Variants in PPP1CB observed in about 807,000 individuals in gnomAD.
PPP1CB encodes the protein serine/threonine-protein phosphatase PP1-beta catalytic subunit.
In PPP1CB, 2 loss-of-function variants were observed where a neutral mutation model predicts 43.7. The ratio of observed to expected loss-of-function variants is 0.05; its 90% CI spans 0.02 to 0.14. The LOEUF is 0.14. PPP1CB is among the 10% of genes least tolerant of loss of function. The probability of loss-of-function intolerance (pLI) is 1.00; values close to 1 mark genes in which losing one functional copy is unlikely to be tolerated. For synonymous variants in PPP1CB, 136 were observed against 135.6 expected (o/e 1.00, Z -0.02); for missense variants, 84 against 398.0 (o/e 0.21, Z 6.71).
chr2:28,777,524 T>G (rs1301889548), intron 2 of PPP1CB, among the ~76,000 whole-genome samples: 1 of 152,218 alleles, frequency 6.6e-6, no homozygotes, highest in African/African-American at 2.4e-5. Context: ...TTATTTAAAT[T>G]TGTTTTGAAG....
intron 1 of PPP1CB, among the ~76,000 whole-genome samples, chr2:28,769,323 G>A (rs1666850407): frequency 6.6e-6 from 1 of 152,186 alleles, no homozygotes; most frequent in African/African-American, 2.4e-5. Context: ...TGCAACCTCT[G>A]CCTCCCGGGT....
At chr2:28,792,762 A>G (rs1366140472) in intron 6 of PPP1CB, among the ~76,000 whole-genome samples, 1 of 152,220 alleles carries the variant, frequency 6.6e-6, no homozygotes, top group Non-Finnish European at 1.5e-5. Context: ...TAATTTTGCT[A>G]ATTAAAAGAT....
At chr2:28,777,786 G>C (rs1667072826) in intron 2 of PPP1CB, among the ~76,000 whole-genome samples, 1 of 152,176 alleles carries the variant, frequency 6.6e-6, no homozygotes, top group African/African-American at 2.4e-5. Flanking sequence ...CTGAGTAGCT[G>C]GGATTACAGG....
chr2:28,772,525 A>T (rs751113733), intron 1 of PPP1CB, among the ~76,000 whole-genome samples: 1 of 152,208 alleles, frequency 6.6e-6, no homozygotes, highest in Non-Finnish European at 1.5e-5. Context: ...TGACCCGAGC[A>T]GTTCTACTGC....
intron 1 of PPP1CB, among the ~76,000 whole-genome samples, chr2:28,776,270 T>C (rs1667040499): frequency 6.6e-6 from 1 of 152,006 alleles, no homozygotes; most frequent in Admixed American, 6.6e-5. Context: ...TGTTTGTTTT[T>C]TTTTTATTTG....
chr2:28,774,131 A>G (rs1666977464), intron 1 of PPP1CB, among the ~76,000 whole-genome samples: 2 of 152,218 alleles, frequency 1.3e-5, no homozygotes, highest in Middle Eastern at 3.2e-3. Flanking sequence ...ATTACTTGAG[A>G]AGTGAAAATT....
chr2:28,794,010 CAT>C lies in PPP1CB; in HGVS notation c.879+15_879+16del, dbSNP rs1558311439. ...GTGTTCATTTCAGGTATGATGTAAA[CAT>C]AAATATATAAGAACTAGAAATCTAA... is the stretch of plus-strand genomic sequence containing the variant. On this transcript the variant is annotated intron_variant, in intron 7 of 7. Transcript: ENST00000395366. 4 of 1,586,374 alleles carry C rather than the reference CAT, an allele frequency of 2.5e-6. No homozygotes were observed. The South Asian group carries it at 3.4e-5, about 14-fold the overall frequency.
chr2:28,757,666 C>T (rs577513718), intron 1 of PPP1CB, among the ~76,000 whole-genome samples: 1 of 152,108 alleles, frequency 6.6e-6, no homozygotes, highest in African/African-American at 2.4e-5. Flanking sequence ...CTCCTTGATT[C>T]TTCTGGATGA....
chr2:28,786,716 A>G lies in PPP1CB; in HGVS notation c.593-1942A>G, dbSNP rs186792804. ...CATGAACCCGGGAGGTGGAGCTTGC[A>G]GTGAGCCGAGATCGTGCCACTGCAC... On this transcript the variant is annotated intron_variant, in intron 5 of 7. Coordinates refer to ENST00000395366, the MANE Select transcript of PPP1CB (RefSeq NM_002709.3). Among the ~76,000 whole-genome samples, 22 of 138,074 alleles carry G rather than the reference A, an allele frequency of 1.6e-4. 1 individual carries two copies. In the East Asian group the frequency reaches 4.5e-3, roughly 28 times the overall value. The allele number at this position is 138,074 out of a possible 152,430, so 90.6% of individuals were successfully genotyped here. A position where few individuals can be genotyped will look rare whatever the true frequency, so the allele number is the denominator to read the frequency against.
intron 1 of PPP1CB, among the ~76,000 whole-genome samples, chr2:28,772,291 ACT>A (rs1666931322): frequency 6.6e-6 from 1 of 151,882 alleles, no homozygotes; most frequent in African/African-American, 2.4e-5. Flanking sequence ...ACGGAGCGAG[ACT>A]CCATCTCAAA....
chr2:28,752,275 G>A (rs1666321021), intron 1 of PPP1CB, 99 bp downstream of exon 1: 3 of 1,129,640 alleles, frequency 2.7e-6, no homozygotes, highest in African/African-American at 1.6e-5. Flanking sequence ...CCCCTTTCCC[G>A]CCCCGAGACG....
intron 2 of PPP1CB, chr2:28,778,493 A>G (rs1667085476): frequency 2.0e-6 from 1 of 490,356 alleles, no homozygotes; most frequent in Non-Finnish European, 4.1e-6. Context: ...TAAGAGCCTC[A>G]GTTCCAAATG....
rs1667631930 is a variant in PPP1CB at position 28,802,137 on chromosome 2, CATA to C, written c.*2835_*2837del. On this transcript the variant is annotated 3_prime_UTR_variant, in exon 8 of 8. Coordinates refer to ENST00000395366, the MANE Select transcript of PPP1CB (RefSeq NM_002709.3). ...GAAGTATGAGTGTGTTCACGAGAAA[CATA>C]GGCTTTTCAAAAAAATTTTTATTCA... 6.6e-6 allele frequency: 1 copy of C among 152,004 alleles called. No individual in the cohort carries two copies. The highest frequency in any genetic ancestry group is 6.6e-5 in the Admixed American group (1 of 15,252). The allele number at this position is 152,004 out of a possible 1,614,324, so 9.4% of individuals were successfully genotyped here. A position where few individuals can be genotyped will look rare whatever the true frequency, so the allele number is the denominator to read the frequency against.
chr2:28,777,526 G>T (rs1365434747), intron 2 of PPP1CB, among the ~76,000 whole-genome samples: 1 of 152,186 alleles, frequency 6.6e-6, no homozygotes, highest in Non-Finnish European at 1.5e-5. Context: ...ATTTAAATTT[G>T]TTTTGAAGAT....
At chr2:28,783,853 TA>T in intron 4 of PPP1CB, 53 bp from the exon 5 acceptor site, 1 of 1,239,662 alleles carries the variant, frequency 8.1e-7, no homozygotes. Context: ...CGGTGACTGT[TA>T]AAATATTAAA....
At chr2:28,783,774 T>G in intron 4 of PPP1CB, 133 bp from the exon 5 acceptor site, 1 of 636,736 alleles carries the variant, frequency 1.6e-6, no homozygotes, top group Non-Finnish European at 2.7e-6. Flanking sequence ...AAAAAAGACG[T>G]TAAAAGGAAC....
intron 1 of PPP1CB, among the ~76,000 whole-genome samples, chr2:28,768,490 C>T (rs192482889): frequency 6.3e-4 from 96 of 152,260 alleles, no homozygotes; most frequent in Admixed American, 5.8e-3. Flanking sequence ...AAGATCTGAG[C>T]AGACATTTCA....
At chr2:28,755,748 A>G (rs1666475419) in intron 1 of PPP1CB, among the ~76,000 whole-genome samples, 1 of 152,200 alleles carries the variant, frequency 6.6e-6, no homozygotes, top group African/African-American at 2.4e-5. Context: ...AATCTAATGC[A>G]TTTGGGAGGA....
chr2:28,792,258 TG>T (rs1667404114), intron 6 of PPP1CB, among the ~76,000 whole-genome samples: 1 of 151,528 alleles, frequency 6.6e-6, no homozygotes, highest in South Asian at 2.1e-4. Flanking sequence ...GAGAATCGCT[TG>T]AACCTGGGAG....
Sources: gnomAD v4.1 joint callset for allele counts (sites outside exome capture counted in the v4.1 genomes callset) on GRCh38, gnomAD v4.1.1 for gene constraint, MANE v1.5 for transcripts, NCBI Gene and HGNC (gene_info 2026-07-23, HGNC 2026-07-21) for gene names.